TRMT44: variants seen among roughly 807,000 people sequenced by gnomAD.
The protein encoded by TRMT44 is tRNA methyltransferase 44 homolog.
Under a neutral mutation model 77.3 loss-of-function variants are expected in TRMT44, and 78 were observed. That is an observed-to-expected ratio of 1.01 (90% CI 0.84 to 1.22). The LOEUF (loss-of-function observed/expected upper bound fraction) is 1.22. Ranked by LOEUF, TRMT44 falls within the 50% of genes most tolerant of loss-of-function variation. TRMT44 has a pLI of 0.00. For missense variants in TRMT44, 1,090 were observed against 964.4 expected, an observed-to-expected ratio of 1.13 and a Z score of -1.73; for synonymous variants, 391 against 383.3, an observed-to-expected ratio of 1.02 and a Z score of -0.23.
At chr4:8,443,958 TAA>T (rs112145923) in intron 1 of TRMT44, among the ~76,000 whole-genome samples, 24 of 128,994 alleles carry the variant, frequency 1.9e-4, no homozygotes, top group Middle Eastern at 3.5e-3. Context: ...GGACTCAGTC[TAA>T]AAAAAAAAAA....
chr4:8,471,051 T>C (rs1340002640), intron 9 of TRMT44, 33 bp from the exon 10 acceptor site: 3 of 1,492,448 alleles, frequency 2.0e-6, no homozygotes, highest in Non-Finnish European at 2.7e-6. Flanking sequence ...TTTGCTGTTG[T>C]TTTGGGGAAA....
At chr4:8,450,471 T>C (rs1330515525) in intron 3 of TRMT44, among the ~76,000 whole-genome samples, 2 of 152,144 alleles carry the variant, frequency 1.3e-5, no homozygotes, top group African/African-American at 4.8e-5. Flanking sequence ...ATTACCATAA[T>C]TCTTTGTATA....
intron 2 of TRMT44, among the ~76,000 whole-genome samples, chr4:8,487,259 G>C (rs1249694585): frequency 1.3e-5 from 2 of 152,120 alleles, no homozygotes; most frequent in African/African-American, 2.4e-5. Context: ...GAGCTGAAGA[G>C]GTTTTAAGTT....
chr4:8,473,651 A>AG (rs540128236), intron 10 of TRMT44: 1 of 152,610 alleles, frequency 6.6e-6, no homozygotes, highest in South Asian at 2.1e-4. Flanking sequence ...CACGGTAAGG[A>AG]GGGAGGAGGC....
the TRMT44 span, chr4:8,509,082 G>A: frequency 7.2e-5 from 11 of 152,380 alleles, no homozygotes; most frequent in South Asian, 4.1e-4. Context: ...CAGATGCGTC[G>A]GAGATTTTGT....
chr4:8,450,026 G>C (rs935929903), intron 3 of TRMT44, 138 bp downstream of exon 3: 145 of 495,216 alleles, frequency 2.9e-4, no homozygotes, highest in Middle Eastern at 5.8e-4. Flanking sequence ...GAGTGAAGTG[G>C]TGTGATCTTG....
chr4:8,451,886 AG>A lies in TRMT44; in HGVS notation c.955-71del. ...TAGTCCAGTTTGATTTATGCTTTATAGGGATACTTAAAGTATTGGGAAATGG... is the reference window on the plus strand; with the variant it reads ...TAGTCCAGTTTGATTTATGCTTTATAGGATACTTAAAGTATTGGGAAATGG... On this transcript the variant is annotated intron_variant, in intron 3 of 10. Coordinates refer to ENST00000389737, the MANE Select transcript of TRMT44 (RefSeq NM_152544.3). The surrounding 1 kb of genome is among the most constrained non-coding windows in gnomAD (Gnocchi z 4.1). The A allele has an allele frequency of 2.3e-6, 3 of 1,318,640 alleles. No individual in the cohort carries two copies. The highest frequency in any genetic ancestry group is 3.2e-6 in the Non-Finnish European group (3 of 948,906). 81.7% of individuals were successfully genotyped at this position (1,318,640 alleles called of 1,614,324 possible).
intron 3 of TRMT44, 66 bp downstream of exon 3, chr4:8,449,954 T>C (rs201131284): frequency 0.033 from 7,295 of 221,914 alleles, 185 homozygotes; most frequent in Middle Eastern, 0.077. Context: ...CTTTTCTTTT[T>C]TTTTTTTTTT....
At chr4:8,472,500 C>G (rs1021174832) in intron 10 of TRMT44, among the ~76,000 whole-genome samples, 10 of 152,218 alleles carry the variant, frequency 6.6e-5, no homozygotes, top group African/African-American at 1.9e-4. Flanking sequence ...GTGTCTGGCT[C>G]TCTGGGTGTG....
intron 1 of TRMT44, among the ~76,000 whole-genome samples, chr4:8,443,432 C>T (rs756295036): frequency 5.3e-5 from 8 of 152,196 alleles, no homozygotes; most frequent in Non-Finnish European, 1.2e-4. Context: ...GACTTGTATC[C>T]TCCATGGAAT....
chr4:8,503,546 C>G, the TRMT44 span, among the ~76,000 whole-genome samples: 1 of 152,170 alleles, frequency 6.6e-6, no homozygotes, highest in Non-Finnish European at 1.5e-5. Context: ...AGGCAGCCAC[C>G]CGGATGGAGG....
the TRMT44 span, among the ~76,000 whole-genome samples, chr4:8,508,571 C>T: frequency 6.6e-6 from 1 of 152,216 alleles, no homozygotes; most frequent in African/African-American, 2.4e-5. Flanking sequence ...GTCCGTGGGA[C>T]TGGATGGAAG....
intron 6 of TRMT44, among the ~76,000 whole-genome samples, chr4:8,462,127 A>G (rs567989326): frequency 2.1e-4 from 32 of 152,314 alleles, no homozygotes; most frequent in South Asian, 1.0e-3. Context: ...AAAGTTCATA[A>G]AAGCCGGGTG....
intron 8 of TRMT44, among the ~76,000 whole-genome samples, chr4:8,466,453 G>T (rs1009051697): frequency 1.3e-5 from 2 of 152,224 alleles, no homozygotes; most frequent in East Asian, 1.9e-4. Flanking sequence ...GTGGGCACTC[G>T]CTGGCCGGCT....
At chr4:8,455,557 C>T (rs1283583729) in intron 6 of TRMT44, among the ~76,000 whole-genome samples, 8 of 152,224 alleles carry the variant, frequency 5.3e-5, no homozygotes, top group Admixed American at 3.3e-4. Flanking sequence ...AATGCCCCTA[C>T]CCAGAGATAA....
At chr4:8,491,643 G>A (rs1273921421) in intron 2 of TRMT44, among the ~76,000 whole-genome samples, 6 of 152,244 alleles carry the variant, frequency 3.9e-5, no homozygotes, top group South Asian at 2.1e-4. Flanking sequence ...CTCTGCAGCC[G>A]CTGGCCCGGG....
chr4:8,443,335 T>A (rs1049370668), intron 1 of TRMT44, among the ~76,000 whole-genome samples: 1 of 152,200 alleles, frequency 6.6e-6, no homozygotes, highest in Non-Finnish European at 1.5e-5. Flanking sequence ...TTTCTTCCTC[T>A]CAGGGAGGCA....
Position 8,452,034 on chromosome 4 carries a change from G to C in TRMT44, c.1023+6G>C. Reference sequence around the variant, plus strand: ...CTATCGCAGCATACCTGCTGGTAAGGGTGTAAGCGACCTCAGCTTCTCTGG... The same window carrying C: ...CTATCGCAGCATACCTGCTGGTAAGCGTGTAAGCGACCTCAGCTTCTCTGG... On this transcript the variant is annotated splice_donor_region_variant and intron_variant, in intron 4 of 10. Coordinates refer to ENST00000389737, the MANE Select transcript of TRMT44 (RefSeq NM_152544.3). This position sits in a 1 kb window ranked among gnomAD's most constrained non-coding sequence, Gnocchi z 5.7. 1 of 1,536,390 alleles carries C rather than the reference G, an allele frequency of 6.5e-7. No individual in the cohort carries two copies. The highest frequency in any genetic ancestry group is 1.4e-5 in the African/African-American group (1 of 73,152).
intron 2 of TRMT44, among the ~76,000 whole-genome samples, chr4:8,482,111 G>T (rs1727633416): frequency 1.3e-5 from 2 of 152,186 alleles, no homozygotes; most frequent in East Asian, 3.9e-4. Context: ...GGCTCATCTT[G>T]TTTTTCGCCA....
Sources: gnomAD v4.1 joint callset for allele counts (sites outside exome capture counted in the v4.1 genomes callset) on GRCh38, gnomAD v4.1.1 for gene constraint, Gnocchi (gnomAD v3.1) non-coding constraint, MANE v1.5 for transcripts, NCBI Gene and HGNC (gene_info 2026-07-23, HGNC 2026-07-21) for gene names.